Variants in SPATA7 observed in about 807,000 individuals in gnomAD.
SPATA7 encodes spermatogenesis-associated protein 7.
SPATA7 carries 43 observed loss-of-function variants against 51.8 expected under a neutral mutation model. The ratio of observed to expected loss-of-function variants is 0.83; its 90% CI spans 0.65 to 1.07. The LOEUF is 1.07. Ranked by LOEUF, SPATA7 falls within the 50% of genes least tolerant of loss-of-function variation. The pLI, the probability that SPATA7 is intolerant of heterozygous loss-of-function variation, is 0.00. For synonymous variants in SPATA7, 230 were observed against 252.8 expected (o/e 0.91, Z 0.86); for missense variants, 683 against 701.3 (o/e 0.97, Z 0.30).
At chr14:88,417,072 C>T (rs1352070921) in intron 5 of SPATA7, among the ~76,000 whole-genome samples, 1 of 152,068 alleles carries the variant, frequency 6.6e-6, no homozygotes, top group Non-Finnish European at 1.5e-5. Flanking sequence ...TCTGCTGAAA[C>T]TTTATTAACT....
intron 3 of SPATA7, among the ~76,000 whole-genome samples, chr14:88,452,722 C>T (rs1177881951): frequency 6.6e-6 from 1 of 152,182 alleles, no homozygotes; most frequent in East Asian, 1.9e-4. Flanking sequence ...ATACCCCCTG[C>T]TGCTAGTATT....
downstream of SPATA7, among the ~76,000 whole-genome samples, chr14:88,443,239 A>G (rs536451696): frequency 4.6e-5 from 7 of 152,216 alleles, no homozygotes; most frequent in African/African-American, 1.4e-4. Flanking sequence ...CACTGTGCCC[A>G]GCCTATTTTT....
chr14:88,462,935 TATCCCTTTAGTA>T (rs1280373537), intron 4 of SPATA7, among the ~76,000 whole-genome samples: 3 of 152,246 alleles, frequency 2.0e-5, no homozygotes, highest in African/African-American at 7.2e-5. Context: ...ATATGGTTAC[TATCCCTTTAGTA>T]ACCCATAAAA....
chr14:88,453,872 A>G (rs2077267309), intron 3 of SPATA7, among the ~76,000 whole-genome samples: 1 of 152,180 alleles, frequency 6.6e-6, no homozygotes, highest in Non-Finnish European at 1.5e-5. Context: ...AAAGACTGGG[A>G]GGAAGATCTT....
intron 5 of SPATA7, among the ~76,000 whole-genome samples, chr14:88,423,137 C>T (rs1250507817): frequency 1.3e-5 from 2 of 152,114 alleles, no homozygotes; most frequent in Non-Finnish European, 2.9e-5. Flanking sequence ...GAGTCATTCA[C>T]TACTTAGTCA....
At chr14:88,457,991 G>T (rs1329487367), downstream of SPATA7, among the ~76,000 whole-genome samples, 5 of 152,014 alleles carry the variant, frequency 3.3e-5, no homozygotes, top group Admixed American at 6.5e-5. Context: ...TAATCATGTG[G>T]TTTTTGTCTT....
In SPATA7 at chr14:88,415,368, C is replaced by A. The variant is rs371413545; in HGVS notation, c.239-1343C>A. ...GTTTTATCTGATACAAGAATAGCAA[C>A]CCCTGCTCTTCTATTTACTGTTTGC... On this transcript the variant is annotated intron_variant, in intron 4 of 11. Transcript: ENST00000393545. 40 of 181,986 alleles carry A rather than the reference C, an allele frequency of 2.2e-4. No homozygotes were observed. In the East Asian group the frequency reaches 3.9e-3, roughly 18 times the overall value. 11.3% of individuals were successfully genotyped at this position (181,986 alleles called of 1,614,324 possible). A position where few individuals can be genotyped will look rare whatever the true frequency, so the allele number is the denominator to read the frequency against.
chr14:88,466,877 CCCTT>C (rs2077372570), intron 4 of SPATA7: 1 of 152,178 alleles, frequency 6.6e-6, no homozygotes, highest in African/African-American at 2.4e-5. Context: ...ATTAACTATT[CCCTT>C]CCTTCAACCA....
At position 88,385,739 on chromosome 14, in the gene SPATA7, A is replaced by T; in HGVS notation, c.-80A>T. On this transcript the variant is annotated 5_prime_UTR_variant, in exon 1 of 12. Transcript: ENST00000393545. ...GTCGGCTCCTCTTTTCCAGTCCTCC[A>T]CTGCCGGGGCTGGGCCCGGCCGCGG... 7.1e-7 allele frequency: 1 copy of T among 1,401,522 alleles called. No homozygotes were observed. Among genetic ancestry groups the T allele is most frequent in the Non-Finnish European group, 1.0e-6 (1 of 1,004,986 alleles). 86.8% of individuals were successfully genotyped at this position (1,401,522 alleles called of 1,614,324 possible).
chr14:88,421,760 C>A (rs1037129231), intron 5 of SPATA7, among the ~76,000 whole-genome samples: 1 of 151,924 alleles, frequency 6.6e-6, no homozygotes, highest in Non-Finnish European at 1.5e-5. Flanking sequence ...ACCAGCCTGG[C>A]CAATATGGTG....
chr14:88,457,519 C>T (rs558398843), downstream of SPATA7, among the ~76,000 whole-genome samples: 1 of 152,122 alleles, frequency 6.6e-6, no homozygotes, highest in Non-Finnish European at 1.5e-5. Flanking sequence ...TGATGTGGCT[C>T]TCTGTTCGTC....
At chr14:88,430,392 A>C (rs1038425873) in intron 8 of SPATA7, among the ~76,000 whole-genome samples, 1 of 152,154 alleles carries the variant, frequency 6.6e-6, no homozygotes, top group Non-Finnish European at 1.5e-5. Context: ...TCTTCATTGA[A>C]TATTAAGAAT....
At chr14:88,455,029 G>C (rs1246427114) in intron 3 of SPATA7, 1 of 455,468 alleles carries the variant, frequency 2.2e-6, no homozygotes, top group South Asian at 1.6e-5. Context: ...TTAGATCTGG[G>C]TCAAGGCTCA....
In SPATA7 at chr14:88,431,189, C is replaced by A; in HGVS notation, c.1046C>A (p.Ser349Tyr). Residue 349 changes from serine (S) to tyrosine (Y), a missense_variant, in exon 9 of 12, where the codon TCC becomes TAC. By Grantham distance (144) the Ser-to-Tyr change is moderately radical. Coordinates refer to ENST00000393545, the MANE Select transcript of SPATA7 (RefSeq NM_018418.5). The part of the protein sequence containing the change: ...HSSPRAMCQY[S>Y]LKPPSTRKIY... ...CTTTCTAGGGCAATGTGTCAGTATT[C>A]CCTGAAGCCCCCTTCAACTCGTAAA... 2 of 1,613,674 alleles carry A rather than the reference C, an allele frequency of 1.2e-6. No individual in the cohort carries two copies. Among genetic ancestry groups the A allele is most frequent in the Non-Finnish European group, 1.7e-6 (2 of 1,179,728 alleles).
rs1219432082 is a variant in SPATA7, at chr14:88,396,316, A to G, written c.238+113A>G. 1.1e-5 allele frequency: 8 copies of G among 732,882 alleles called. No homozygotes were observed. In the African/African-American group the frequency reaches 1.2e-4, roughly 11 times the overall value. 45.4% of individuals were successfully genotyped at this position (732,882 alleles called of 1,614,324 possible). ...AAGTGTCCAGTTCAATATTAAGTAC[A>G]TTAATATTGTGGTACAATGATAACT... On this transcript the variant is annotated intron_variant, in intron 4 of 11. Transcript: ENST00000393545.
At chr14:88,466,770 T>TA (rs1491339799) in intron 4 of SPATA7, 23 of 1,490 alleles carry the variant, frequency 0.015, no homozygotes, top group Non-Finnish European at 0.062. Context: ...GCCAGGGAAT[T>TA]ATTAAGGAGC....
chr14:88,441,857 T>C (rs570660259), downstream of SPATA7, among the ~76,000 whole-genome samples: 23 of 152,336 alleles, frequency 1.5e-4, no homozygotes, highest in South Asian at 8.3e-4. Context: ...AAGTATCATC[T>C]GTTTATCTCT....
At chr14:88,418,032 C>T (rs972150524) in intron 5 of SPATA7, among the ~76,000 whole-genome samples, 4 of 152,086 alleles carry the variant, frequency 2.6e-5, no homozygotes. Flanking sequence ...GGAAGTTGTT[C>T]ATTTTATGTA....
At chr14:88,390,354 G>A (rs73319874) in intron 1 of SPATA7, among the ~76,000 whole-genome samples, 1 of 151,660 alleles carries the variant, frequency 6.6e-6, no homozygotes, top group South Asian at 2.1e-4. Flanking sequence ...CCAAGAAATC[G>A]CTTTCTATCT....
Sources: allele counts gnomAD v4.1 joint callset (sites outside exome capture counted in the v4.1 genomes callset), GRCh38; gene constraint gnomAD v4.1.1; transcripts MANE v1.5; gene names NCBI Gene and HGNC (gene_info 2026-07-23, HGNC 2026-07-21).